STYXL1: variants seen among roughly 807,000 people sequenced by gnomAD.
STYXL1 encodes serine/threonine/tyrosine-interacting-like protein 1.
A neutral mutation model predicts 36.4 loss-of-function variants in STYXL1; 32 were observed. The ratio of observed to expected loss-of-function variants is 0.88; its 90% CI spans 0.66 to 1.18. STYXL1 has a LOEUF of 1.18. Ranked by LOEUF, STYXL1 falls within the 50% of genes most tolerant of loss-of-function variation. STYXL1 has a pLI of 0.00. For missense variants in STYXL1, 354 were observed against 394.1 expected (o/e 0.90, Z 0.86); for synonymous variants, 133 against 144.1 (o/e 0.92, Z 0.55).
Position 76,030,639 on chromosome 7 carries a change from C to G in STYXL1, c.-4-112G>C. 4.5e-6 allele frequency: 3 copies of G among 667,374 alleles called. No individual in the cohort carries two copies. The South Asian group carries it at 5.2e-5, about 12-fold the overall frequency. The allele number at this position is 667,374 out of a possible 1,614,324, so 41.3% of individuals were successfully genotyped here. A position where few individuals can be genotyped will look rare whatever the true frequency, so the allele number is the denominator to read the frequency against. Reference sequence around the variant, plus strand: ...TTAACATACCTTCAAGCAAAGATGACAGTAATCATGTAAATGATCAGGAAT... The same window carrying G: ...TTAACATACCTTCAAGCAAAGATGAGAGTAATCATGTAAATGATCAGGAAT... On this transcript the variant is annotated intron_variant, in intron 1 of 8. Coordinates refer to ENST00000359697, the MANE Select transcript of STYXL1 (RefSeq NM_001317785.2).
intron 2 of STYXL1, among the ~76,000 whole-genome samples, chr7:76,028,908 TGA>T (rs1795031026): frequency 6.6e-6 from 1 of 152,040 alleles, no homozygotes; most frequent in Non-Finnish European, 1.5e-5. Context: ...GTGGATCACT[TGA>T]GCCAGGAGTT....
intron 3 of STYXL1, among the ~76,000 whole-genome samples, chr7:76,025,150 G>T (rs544746265): frequency 7.6e-6 from 1 of 131,010 alleles, no homozygotes; most frequent in Non-Finnish European, 1.6e-5. Flanking sequence ...ACGGGCGGGA[G>T]GGGGGTGGGG....
chr7:76,024,121 C>T (rs1446726941), intron 3 of STYXL1, among the ~76,000 whole-genome samples: 1 of 152,040 alleles, frequency 6.6e-6, no homozygotes, highest in Non-Finnish European at 1.5e-5. Context: ...CAAGCAAACT[C>T]CCCACCTCGG....
rs1187170604 is a variant in STYXL1, at chr7:76,037,268, A to G, written c.-4-6741T>C. Among the ~76,000 whole-genome samples the G allele has an allele frequency of 2.7e-5, 4 of 150,380 alleles. 1 individual carries two copies. The highest frequency in any genetic ancestry group is 7.3e-5 in the African/African-American group (3 of 41,140). Reference sequence around the variant, plus strand: ...CAAAGACACTTACTGTCAAGACAGCAGGGTGCTAGCACAGGCTTTGTCCCT... The same window carrying G: ...CAAAGACACTTACTGTCAAGACAGCGGGGTGCTAGCACAGGCTTTGTCCCT... On this transcript the variant is annotated intron_variant, in intron 1 of 8. Transcript: ENST00000359697.
At chr7:75,996,980 C>A (rs1474565705) in intron 8 of STYXL1, among the ~76,000 whole-genome samples, 1 of 152,228 alleles carries the variant, frequency 6.6e-6, no homozygotes, top group Non-Finnish European at 1.5e-5. Flanking sequence ...GAACTGTGGG[C>A]AAATTCTCTG....
At chr7:76,028,871 C>A (rs1585297408) in intron 2 of STYXL1, among the ~76,000 whole-genome samples, 168 bp from the exon 3 acceptor site, 1 of 152,198 alleles carries the variant, frequency 6.6e-6, no homozygotes, top group Middle Eastern at 3.4e-3. Context: ...GCACCTGTAA[C>A]CCCAGCACTT....
intron 1 of STYXL1, among the ~76,000 whole-genome samples, chr7:76,034,269 A>ATT (rs71082377): frequency 1.3e-5 from 2 of 151,530 alleles, no homozygotes; most frequent in South Asian, 2.1e-4. Flanking sequence ...TGGCCGGCTA[A>ATT]TTTTTTTTTA....
chr7:76,003,749 G>A lies in STYXL1; in HGVS notation c.697+9C>T, dbSNP rs528860830. 9.3e-6 allele frequency: 15 copies of A among 1,613,716 alleles called. No individual in the cohort carries two copies. The highest frequency in any genetic ancestry group is 8.8e-5 in the South Asian group (8 of 91,066). On this transcript the variant is annotated intron_variant, in intron 7 of 8. Transcript: ENST00000359697. ...GCCAGTTGCTACCCGGCCAAGGAAC[G>A]CTCCTTACCAATGAAGTGACACATG...
At chr7:76,042,390 C>CTGTTTTT (rs1796553241) in intron 1 of STYXL1, among the ~76,000 whole-genome samples, 1 of 41,814 alleles carries the variant, frequency 2.4e-5, no homozygotes, top group Non-Finnish European at 5.3e-5. Context: ...CCCTTATGTG[C>CTGTTTTT]TTTTTTTTTT....
chr7:75,998,454 C>T (rs533547033), intron 8 of STYXL1: 7 of 152,398 alleles, frequency 4.6e-5, no homozygotes, highest in South Asian at 2.1e-4. Flanking sequence ...TGTGCCACCA[C>T]GCCTGGCTCA....
rs190656405 is a variant in STYXL1, at chr7:76,029,689, G to A, written c.103+732C>T. Reference sequence around the variant, plus strand: ...TGAACTTGTTTTCCTGTGACTAGACGGTCCCTTCTGGGGGTGACAGGAGAT... The same window carrying A: ...TGAACTTGTTTTCCTGTGACTAGACAGTCCCTTCTGGGGGTGACAGGAGAT... On this transcript the variant is annotated intron_variant, in intron 2 of 8. Transcript: ENST00000359697. Among the ~76,000 whole-genome samples, 42 of 147,238 alleles carry A rather than the reference G, an allele frequency of 2.9e-4. No individual in the cohort carries two copies. The East Asian group carries it at 4.0e-3, about 14-fold the overall frequency.
chr7:75,999,551 G>GTATATA (rs1554565731), intron 8 of STYXL1, among the ~76,000 whole-genome samples: 2 of 80,054 alleles, frequency 2.5e-5, no homozygotes, highest in Admixed American at 1.2e-4. Context: ...GTGTGTGTGT[G>GTATATA]TATATTTTTT....
intron 1 of STYXL1, among the ~76,000 whole-genome samples, chr7:76,032,294 G>C (rs1366024689): frequency 5.3e-5 from 8 of 151,876 alleles, no homozygotes; most frequent in African/African-American, 1.9e-4. Context: ...CAGCAACTCA[G>C]GAGGCTGAGG....
chr7:76,000,435 G>A (rs774540137), intron 8 of STYXL1: 3 of 456,786 alleles, frequency 6.6e-6, no homozygotes, highest in Non-Finnish European at 8.8e-6. Flanking sequence ...GCAGGCCCTC[G>A]AGAAAGGTGC....
Position 75,996,445 on chromosome 7 carries a change from C to T in STYXL1, c.*23G>A, listed in dbSNP as rs1790133276. 1.2e-6 allele frequency: 2 copies of T among 1,614,030 alleles called. No homozygotes were observed. The highest frequency in any genetic ancestry group is 1.7e-5 in the Admixed American group (1 of 60,006). On this transcript the variant is annotated 3_prime_UTR_variant, in exon 9 of 9. Coordinates refer to ENST00000359697, the MANE Select transcript of STYXL1 (RefSeq NM_001317785.2). Reference sequence around the variant, plus strand: ...GCCCCCAGGTGAGGCTCTTCAGTACCCTTCGGTGGGCCTCGGAGAAGATCA... The same window carrying T: ...GCCCCCAGGTGAGGCTCTTCAGTACTCTTCGGTGGGCCTCGGAGAAGATCA...
At chr7:76,008,680 A>G (rs1328696939) in intron 5 of STYXL1, among the ~76,000 whole-genome samples, 1 of 152,122 alleles carries the variant, frequency 6.6e-6, no homozygotes, top group Admixed American at 6.6e-5. Context: ...GCTGGTGCCA[A>G]ATGAAATCCC....
chr7:76,005,857 A>AG (rs1563467849), intron 5 of STYXL1, among the ~76,000 whole-genome samples: 15 of 23,828 alleles, frequency 6.3e-4, no homozygotes, highest in African/African-American at 2.1e-3. Context: ...AGAGAGGAGG[A>AG]GAGAGGAGGA....
In STYXL1 at chr7:75,996,460, G is replaced by A. The variant is rs532248109; in HGVS notation, c.*8C>T. 108 of 1,614,172 alleles carry A rather than the reference G, an allele frequency of 6.7e-5. No individual in the cohort carries two copies. Among genetic ancestry groups the A allele is most frequent in the Admixed American group, 2.3e-4 (14 of 60,028 alleles). On this transcript the variant is annotated 3_prime_UTR_variant, in exon 9 of 9. Transcript: ENST00000359697. Reference sequence around the variant, plus strand: ...TCTTCAGTACCCTTCGGTGGGCCTCGGAGAAGATCAGTAGAGCGGATCCAT... The same window carrying A: ...TCTTCAGTACCCTTCGGTGGGCCTCAGAGAAGATCAGTAGAGCGGATCCAT...
At chr7:76,014,263 C>G (rs1488305530) in intron 4 of STYXL1, among the ~76,000 whole-genome samples, 2 of 152,082 alleles carry the variant, frequency 1.3e-5, no homozygotes, top group African/African-American at 4.8e-5. Context: ...GCGTGAGCCA[C>G]CATGCCCGGC....
Sources: gnomAD v4.1 joint callset for allele counts (sites outside exome capture counted in the v4.1 genomes callset) on GRCh38, gnomAD v4.1.1 for gene constraint, MANE v1.5 for transcripts, NCBI Gene and HGNC (gene_info 2026-07-23, HGNC 2026-07-21) for gene names.